The following DCTN1 variants were observed in gnomAD, a reference collection of about 807,000 sequenced individuals.
DCTN1 encodes the protein 150 kDa dynein-associated polypeptide.
DCTN1 carries 61 observed loss-of-function variants against 161.2 expected under a neutral mutation model. The ratio of observed to expected loss-of-function variants is 0.38; its 90% CI spans 0.31 to 0.47. DCTN1 has a LOEUF of 0.47. DCTN1 is among the 20% of genes least tolerant of loss of function. The pLI is 0.99. For synonymous variants in DCTN1, 653 were observed against 632.4 expected, an observed-to-expected ratio of 1.03 and a Z score of -0.49; for missense variants, 1,404 against 1,623.7, an observed-to-expected ratio of 0.86 and a Z score of 2.33.
At position 74,361,610 on chromosome 2, in the gene DCTN1, T is replaced by A. The variant is rs377745224; in HGVS notation, c.3726A>T (p.Thr1242=). 6.2e-7 allele frequency: 1 copy of A among 1,614,006 alleles called. No individual in the cohort carries two copies. The highest frequency in any genetic ancestry group is 8.5e-7 in the Non-Finnish European group (1 of 1,180,016). ...AGAAGGTCACTTTGCCCATGTAGAC[T>A]GTGTCATCCTGCTGCTCCTCCTTGG... The part of the protein sequence containing the change: ...LRAKEEQQDD[T]VYMGKVTFSC... The change falls in exon 32 of 32, where the codon ACA becomes ACT. Residue 1242 remains threonine, a synonymous_variant. Coordinates refer to ENST00000628224, the MANE Select transcript of DCTN1 (RefSeq NM_004082.5).
rs760863013 is a variant in DCTN1 at position 74,372,902 on chromosome 2, G to A, written c.453+26C>T. 4 of 1,612,952 alleles carry A rather than the reference G, an allele frequency of 2.5e-6. No individual in the cohort carries two copies. In the South Asian group the frequency reaches 3.3e-5, roughly 13 times the overall value. Reference sequence around the variant, plus strand: ...AAACGTGTGTGTACACTCAGCAGTGGCTCACACAGGGGCCTGTTTTCTCAC... The same window carrying A: ...AAACGTGTGTGTACACTCAGCAGTGACTCACACAGGGGCCTGTTTTCTCAC... On this transcript the variant is annotated intron_variant, in intron 7 of 31. Transcript: ENST00000628224.
In DCTN1 at chr2:74,378,222, A is replaced by G; in HGVS notation, c.57T>C (p.Ser19=). 1 of 1,610,410 alleles carries G rather than the reference A, an allele frequency of 6.2e-7. No individual in the cohort carries two copies. The highest frequency in any genetic ancestry group is 1.1e-5 in the South Asian group (1 of 91,074). Reference sequence around the variant, plus strand: ...GCAGAGGCCGGGCGCTTGCCTCCGCACTCATCCTGCTGCCGCTGGGCGTCT... The same window carrying G: ...GCAGAGGCCGGGCGCTTGCCTCCGCGCTCATCCTGCTGCCGCTGGGCGTCT... ...YSRTPSGSRM[S]AEASARPLRV... Residue 19 remains serine, a synonymous_variant, in exon 2 of 32, where the codon AGT becomes AGC. Transcript: ENST00000628224.
Position 74,370,573 on chromosome 2 carries a change from A to G in DCTN1, c.1049-29T>C. The G allele has an allele frequency of 1.2e-6, 2 of 1,614,096 alleles. No homozygotes were observed. The highest frequency in any genetic ancestry group is 1.7e-6 in the Non-Finnish European group (2 of 1,180,028). On this transcript the variant is annotated intron_variant, in intron 10 of 31. Coordinates refer to ENST00000628224, the MANE Select transcript of DCTN1 (RefSeq NM_004082.5). This position sits in a 1 kb window ranked among gnomAD's most constrained non-coding sequence, Gnocchi z 4.4. ...GAGAAGATCATTAACACTTTCAGGC[A>G]TGGTTCTCACCTGACCGTTTGGCCC... is the stretch of plus-strand genomic sequence containing the variant.
Position 74,370,226 on chromosome 2 carries a change from A to G in DCTN1, c.1247T>C (p.Leu416Pro). 1 of 1,614,012 alleles carries G rather than the reference A, an allele frequency of 6.2e-7. No homozygotes were observed. Among genetic ancestry groups the G allele is most frequent in the Non-Finnish European group, 8.5e-7 (1 of 1,180,042 alleles). ...RQQRERLQEE[L>P]SQAESTIDEL... ...ATCAATGGTGCTCTCTGCCTGGCTT[A>G]GCTCCTCCTGCAGACGCTCCCGCTG... The change falls in exon 12 of 32, where the codon CTA (leucine) becomes CCA (proline). Residue 416 changes from leucine (L) to proline (P), a missense_variant. Around this residue, in one of 9 missense-constraint regions of DCTN1, gnomAD observed 278 missense variants for 363.8 expected, o/e 0.76. Coordinates refer to ENST00000628224, the MANE Select transcript of DCTN1 (RefSeq NM_004082.5). This position sits in a 1 kb window ranked among gnomAD's most constrained non-coding sequence, Gnocchi z 4.4.
At position 74,368,761 on chromosome 2, in the gene DCTN1, C is replaced by T; in HGVS notation, c.1821G>A (p.Leu607=). The part of the protein sequence containing the change: ...LRPGGDHDCV[L]VLLLMPRLIC... ...TGAGACGAGGCATGAGCAACAGCAC[C>T]AGAACGCAGTCATGGTCCCCACCTG... The change falls in exon 16 of 32, where the codon CTG becomes CTA. Residue 607 remains leucine, a synonymous_variant. Coordinates refer to ENST00000628224, the MANE Select transcript of DCTN1 (RefSeq NM_004082.5). 1 of 1,614,238 alleles carries T rather than the reference C, an allele frequency of 6.2e-7. No homozygotes were observed. Among genetic ancestry groups the T allele is most frequent in the Non-Finnish European group, 8.5e-7 (1 of 1,180,042 alleles).
Position 74,362,997 on chromosome 2 carries a change from G to T in DCTN1, c.3526C>A (p.Pro1176Thr). 1.9e-6 allele frequency: 3 copies of T among 1,612,504 alleles called. No individual in the cohort carries two copies. Among genetic ancestry groups the T allele is most frequent in the Non-Finnish European group, 2.5e-6 (3 of 1,179,342 alleles). ...THVVDITRTS[P>T]AAKSPSAQLM... ...TTGGGGGTTGGCAGGTACATACCAGGGCTGGTGCGAGTGATGTCTACTACG... is the reference window on the plus strand; with the variant it reads ...TTGGGGGTTGGCAGGTACATACCAGTGCTGGTGCGAGTGATGTCTACTACG... Residue 1176 changes from proline to threonine, a missense_variant, in exon 29 of 32, where the codon CCT (proline) becomes ACT (threonine). By Grantham distance (38) the Pro-to-Thr change is conservative. Transcript: ENST00000628224.
chr2:74,389,956 A>G (rs572476703), intron 1 of DCTN1, among the ~76,000 whole-genome samples: 30 of 152,188 alleles, frequency 2.0e-4, no homozygotes, highest in Non-Finnish European at 3.4e-4. Context: ...TACATCTGCT[A>G]AAATACTGCT....
chr2:74,368,199 A>G, intron 16 of DCTN1, 68 bp from the exon 17 acceptor site: 3 of 1,544,236 alleles, frequency 1.9e-6, no homozygotes, highest in South Asian at 2.4e-5. Flanking sequence ...TCAGGAATAT[A>G]GTACTCAGAG....
intron 7 of DCTN1, 43 bp downstream of exon 7, chr2:74,372,885 G>A: frequency 6.2e-7 from 1 of 1,607,074 alleles, no homozygotes; most frequent in Non-Finnish European, 8.5e-7. Context: ...TGAAACGTGT[G>A]TGTACACTCA....
Position 74,369,487 on chromosome 2 carries a change from G to T in DCTN1, c.1397C>A (p.Ala466Glu). Residue 466 changes from alanine (A) to glutamate (E), a missense_variant, in exon 14 of 32, where the codon GCG (alanine) becomes GAG (glutamate). Coordinates refer to ENST00000628224, the MANE Select transcript of DCTN1 (RefSeq NM_004082.5). The surrounding 1 kb of genome is among the most constrained non-coding windows in gnomAD (Gnocchi z 4.9). ...ELRETVGDLE[A>E]MNEMNDELQE... is the part of the protein sequence containing the mutation. ...CAGCTCATCGTTCATCTCATTCATC[G>T]CTTCCTAGGACACCACACCATAGTT... The T allele has an allele frequency of 1.2e-6, 2 of 1,612,510 alleles. No homozygotes were observed.
intron 29 of DCTN1, 41 bp downstream of exon 29, chr2:74,362,953 G>T: frequency 6.2e-7 from 1 of 1,600,716 alleles, no homozygotes; most frequent in South Asian, 1.1e-5. Flanking sequence ...GCCAAGTGGA[G>T]GGGGCAGTTT....
In DCTN1 at chr2:74,365,908, C is replaced by T. The variant is rs778585634; in HGVS notation, c.2871G>A (p.Lys957=). 2.5e-6 allele frequency: 4 copies of T among 1,614,126 alleles called. No individual in the cohort carries two copies. The highest frequency in any genetic ancestry group is 3.4e-6 in the Non-Finnish European group (4 of 1,180,052). The change falls in exon 24 of 32, where the codon AAG becomes AAA. Residue 957 remains lysine, a synonymous_variant. Transcript: ENST00000628224. ...CTACCCTCACCTTAATCTTGAGTGA[C>T]TTCTTCAACTCCTTAATAACTGTCT... ...DRETVIKELK[K]SLKIKGEELS... is the part of the protein sequence containing the mutation.
At chr2:74,361,722 C>A (rs1460997614) in intron 31 of DCTN1, 86 bp from the exon 32 acceptor site, 15 of 1,567,818 alleles carry the variant, frequency 9.6e-6, no homozygotes, top group Non-Finnish European at 1.3e-5. Context: ...GCACTGAGAC[C>A]AAGGCAGCTC....
intron 5 of DCTN1, among the ~76,000 whole-genome samples, chr2:74,374,926 G>A (rs1188897723): frequency 6.6e-6 from 1 of 152,146 alleles, no homozygotes; most frequent in African/African-American, 2.4e-5. Flanking sequence ...GCATTCTATG[G>A]GGCCAGGGCA....
In DCTN1 at chr2:74,370,557, A is replaced by G. The variant is rs1674761688; in HGVS notation, c.1049-13T>C. On this transcript the variant is annotated splice_polypyrimidine_tract_variant and intron_variant, in intron 10 of 31. Transcript: ENST00000628224. The surrounding 1 kb of genome is among the most constrained non-coding windows in gnomAD (Gnocchi z 4.4). ...GCGCCATCTGAGCCTGGAGAAGATC[A>G]TTAACACTTTCAGGCATGGTTCTCA... The G allele has an allele frequency of 6.2e-7, 1 of 1,614,154 alleles. No homozygotes were observed. Among genetic ancestry groups the G allele is most frequent in the African/African-American group, 1.3e-5 (1 of 75,076 alleles).
At chr2:74,391,425 C>T (rs1675991634) in intron 1 of DCTN1, 1 of 260,278 alleles carries the variant, frequency 3.8e-6, no homozygotes, top group Admixed American at 5.2e-5. Flanking sequence ...GCTGTGAGTC[C>T]TTTACGATTT....
At chr2:74,364,861 T>G in intron 26 of DCTN1, 1 of 613,796 alleles carries the variant, frequency 1.6e-6, no homozygotes. Flanking sequence ...TCATTAACAA[T>G]TTAGTAATGC....
At position 74,365,618 on chromosome 2, in the gene DCTN1, G is replaced by T. The variant is rs2104409827; in HGVS notation, c.2926C>A (p.Leu976Met). Reference protein sequence around the residue: ...LSEANVRLSLLEKKLDSAAKD... With the variant: ...LSEANVRLSLMEKKLDSAAKD... ...GCAGCACTGTCCAACTTCTTCTCCA[G>T]GAGGCTCAGCCGCACATTGGCCTCA... The change falls in exon 25 of 32, where the codon CTG (leucine) becomes ATG (methionine). Residue 976 changes from leucine to methionine, a missense_variant. Physicochemically the swap from Leu to Met is conservative, Grantham distance 15. This residue lies in a region of DCTN1 where 475 missense variants were observed against 489.8 expected (regional missense o/e 0.97). Transcript: ENST00000628224. 1 of 1,614,148 alleles carries T rather than the reference G, an allele frequency of 6.2e-7. No individual in the cohort carries two copies. Among genetic ancestry groups the T allele is most frequent in the Non-Finnish European group, 8.5e-7 (1 of 1,180,026 alleles).
At chr2:74,384,640 G>A (rs910600178), upstream of DCTN1, among the ~76,000 whole-genome samples, 1 of 152,092 alleles carries the variant, frequency 6.6e-6, no homozygotes, top group African/African-American at 2.4e-5. Context: ...AAAGTGAGGA[G>A]GAAAAGCCTC....
Sources: allele counts gnomAD v4.1 joint callset (sites outside exome capture counted in the v4.1 genomes callset), GRCh38; gene constraint gnomAD v4.1.1; regional missense constraint gnomAD v4.1.1; non-coding constraint Gnocchi (gnomAD v3.1); transcripts MANE v1.5; gene names NCBI Gene and HGNC (gene_info 2026-07-23, HGNC 2026-07-21).